NOTO: variants seen among roughly 807,000 people sequenced by gnomAD.
The protein encoded by NOTO is homeobox protein notochord.
Under a neutral mutation model 20.5 loss-of-function variants are expected in NOTO, and 19 were observed. That is an observed-to-expected ratio of 0.93 (90% CI 0.65 to 1.36). The LOEUF (loss-of-function observed/expected upper bound fraction) is 1.36. NOTO is among the 40% of genes most tolerant of loss of function. The pLI is 0.00. For synonymous variants in NOTO, 150 were observed against 150.2 expected (o/e 1.00, Z 0.01); for missense variants, 369 against 336.2 (o/e 1.10, Z -0.76).
chr2:73,210,652 A>G (rs2103697942), intron 2 of NOTO, 119 bp from the exon 3 acceptor site: 1 of 769,708 alleles, frequency 1.3e-6, no homozygotes, highest in Non-Finnish European at 2.0e-6. Flanking sequence ...TGGAGGAGGT[A>G]CCTCCCTGAG....
rs1299349823 is a variant in NOTO at position 73,202,980 on chromosome 2, T to C, written c.314T>C (p.Val105Ala). 2 of 1,503,836 alleles carry C rather than the reference T, an allele frequency of 1.3e-6. No homozygotes were observed. Among genetic ancestry groups the C allele is most frequent in the Admixed American group, 2.1e-5 (1 of 46,880 alleles). The allele number at this position is 1,503,836 out of a possible 1,614,324, so 93.2% of individuals were successfully genotyped here. Reference protein sequence around the residue: ...PTSWLPAYLSVGFYPVPGPRV... With the variant: ...PTSWLPAYLSAGFYPVPGPRV... Reference sequence around the variant, plus strand: ...TCGTGGCTGCCCGCCTACCTGAGCGTAGGTTTTTACCCTGTGCCAGGGCCG... The same window carrying C: ...TCGTGGCTGCCCGCCTACCTGAGCGCAGGTTTTTACCCTGTGCCAGGGCCG... The change falls in exon 1 of 3, where the codon GTA becomes GCA. Residue 105 changes from valine (V) to alanine (A), a missense_variant. By Grantham distance (64) the Val-to-Ala change is moderately conservative (BLOSUM62 0). Transcript: ENST00000398468.
In NOTO at chr2:73,210,842, TG is replaced by T. The variant is rs1264491732; in HGVS notation, c.670del (p.Ala224ProfsTer84). 5.8e-6 allele frequency: 9 copies of T among 1,551,658 alleles called. No individual in the cohort carries two copies. The highest frequency in any genetic ancestry group is 7.8e-6 in the Non-Finnish European group (9 of 1,146,938). ...QQKLRAAVTSAEAASLDEPSS... is the reference protein window; with the variant it reads ...QQKLRAAVTSXEAASLDEPSS... ...AAAAGCTGAGGGCAGCAGTTACATC[TG>T]CCGAGGCTGCCTCCCTGGATGAGCC... On this transcript the variant is annotated frameshift_variant, in exon 3 of 3. Coordinates refer to ENST00000398468, the MANE Select transcript of NOTO (RefSeq NM_001134462.2). LOFTEE classifies it low-confidence loss of function (END_TRUNC).
At position 73,203,798 on chromosome 2, in the gene NOTO, T is replaced by C. The variant is rs995896673; in HGVS notation, c.382+750T>C. Among the ~76,000 whole-genome samples, 27 of 150,326 alleles carry C rather than the reference T, an allele frequency of 1.8e-4. 1 individual carries two copies. Among genetic ancestry groups the C allele is most frequent in the Non-Finnish European group, 4.4e-5 (3 of 67,672 alleles). On this transcript the variant is annotated intron_variant, in intron 1 of 2. Coordinates refer to ENST00000398468, the MANE Select transcript of NOTO (RefSeq NM_001134462.2). Reference sequence around the variant, plus strand: ...TGGCCAACATGGTGAAACCACATCTTTACTTAAAAGACAAAAAATTGGCCG... The same window carrying C: ...TGGCCAACATGGTGAAACCACATCTCTACTTAAAAGACAAAAAATTGGCCG...
At position 73,208,405 on chromosome 2, in the gene NOTO, G is replaced by C; in HGVS notation, c.388G>C (p.Glu130Gln). 6.4e-7 allele frequency: 1 copy of C among 1,551,128 alleles called. No homozygotes were observed. The highest frequency in any genetic ancestry group is 1.2e-5 in the South Asian group (1 of 84,038). Residue 130 changes from glutamate to glutamine, a missense_variant, in exon 2 of 3, where the codon GAG becomes CAG. Coordinates refer to ENST00000398468, the MANE Select transcript of NOTO (RefSeq NM_001134462.2). The stretch of plus-strand genomic sequence containing the variant: ...TGCTGCTGGTTGCTCTTTAGGGTTG[G>C]AGCTGGCTCACTGCTCAGGACTCTG... ...GLLGFGVTGL[E>Q]LAHCSGLWAF...
chr2:73,208,685 A>AGGAGGGTGG lies in NOTO; in HGVS notation c.597+73_597+81dup. On this transcript the variant is annotated intron_variant, in intron 2 of 2. Coordinates refer to ENST00000398468, the MANE Select transcript of NOTO (RefSeq NM_001134462.2). Reference sequence around the variant, plus strand: ...AACACTACCTCAGCAAGGCCCTAAAAGGAGGGTGGGAGGAAGATATGGGCC... The same window carrying AGGAGGGTGG: ...AACACTACCTCAGCAAGGCCCTAAAAGGAGGGTGGGGAGGGTGGGAGGAAGATATGGGCC... 3 of 1,026,066 alleles carry AGGAGGGTGG rather than the reference A, an allele frequency of 2.9e-6. No individual in the cohort carries two copies. In the South Asian group the frequency reaches 4.2e-5, roughly 14 times the overall value. 63.6% of individuals were successfully genotyped at this position (1,026,066 alleles called of 1,614,324 possible). A position where few individuals can be genotyped will look rare whatever the true frequency, so the allele number is the denominator to read the frequency against.
chr2:73,203,341 C>T (rs1459617547), intron 1 of NOTO, among the ~76,000 whole-genome samples: 7 of 152,196 alleles, frequency 4.6e-5, no homozygotes, highest in Non-Finnish European at 1.0e-4. Flanking sequence ...AGCGCTGGGG[C>T]TGCAAGGGGA....
intron 1 of NOTO, among the ~76,000 whole-genome samples, chr2:73,203,313 T>TGCGGTGGGCAGGAGGCCA (rs2103688074): frequency 6.6e-6 from 1 of 152,290 alleles, no homozygotes; most frequent in African/African-American, 2.4e-5. Context: ...AGCGCCTGAA[T>TGCGGTGGGCAGGAGGCCA]GCGGTGGGCA....
At chr2:73,203,273 G>A (rs749344536) in intron 1 of NOTO, among the ~76,000 whole-genome samples, 41 of 152,352 alleles carry the variant, frequency 2.7e-4, no homozygotes, top group South Asian at 2.7e-3. Context: ...ACGCTGCTGA[G>A]GTGGGAGAGG....
intron 1 of NOTO, among the ~76,000 whole-genome samples, chr2:73,206,470 C>T (rs1334390527): frequency 5.3e-5 from 8 of 152,106 alleles, no homozygotes; most frequent in Non-Finnish European, 8.8e-5. Context: ...TCCCAAGCAG[C>T]GGGGTCTACA....
rs1040901765 is a variant in NOTO at position 73,212,038 on chromosome 2, A to G, written c.*1109A>G. The G allele has an allele frequency of 3.9e-5, 6 of 152,374 alleles. No homozygotes were observed. Among genetic ancestry groups the G allele is most frequent in the Admixed American group, 3.3e-4 (5 of 15,308 alleles). 9.4% of individuals were successfully genotyped at this position (152,374 alleles called of 1,614,324 possible). A position where few individuals can be genotyped will look rare whatever the true frequency, so the allele number is the denominator to read the frequency against. On this transcript the variant is annotated 3_prime_UTR_variant, in exon 3 of 3. Transcript: ENST00000398468. ...ATCTGGGCATAGAAGACTCTTCACC[A>G]TCAGAAGGAGTTGAGAGCAAAGAAG...
At chr2:73,208,344 T>TG in intron 1 of NOTO, 56 bp from the exon 2 acceptor site, 1 of 1,279,428 alleles carries the variant, frequency 7.8e-7, no homozygotes, top group Non-Finnish European at 1.1e-6. Flanking sequence ...GCAGGGGGCT[T>TG]CTGGCTAACC....
chr2:73,206,120 G>A (rs1227980354), intron 1 of NOTO, among the ~76,000 whole-genome samples: 1 of 151,888 alleles, frequency 6.6e-6, no homozygotes, highest in Admixed American at 6.6e-5. Context: ...AATTTTTGTG[G>A]GTTTACCTTT....
At chr2:73,205,065 A>G (rs1419839712) in intron 1 of NOTO, among the ~76,000 whole-genome samples, 2 of 151,936 alleles carry the variant, frequency 1.3e-5, no homozygotes, top group African/African-American at 4.8e-5. Flanking sequence ...TATTTTTAGT[A>G]GAGACGGGGT....
At chr2:73,203,602 G>A (rs115529610) in intron 1 of NOTO, among the ~76,000 whole-genome samples, 3,721 of 152,292 alleles carry the variant, frequency 0.024, 61 homozygotes, top group Non-Finnish European at 0.041. Flanking sequence ...TACACACTTC[G>A]CTCTGAGCCT....
chr2:73,202,693 C>T lies in NOTO; in HGVS notation c.27C>T (p.Ser9=), dbSNP rs1395246955. Reference sequence around the variant, plus strand: ...TGCCTAGCCCCAGGCCGCGAGGCAGCCCGCCACCCGCTCCCTCGGGCTCTC... The same window carrying T: ...TGCCTAGCCCCAGGCCGCGAGGCAGTCCGCCACCCGCTCCCTCGGGCTCTC... MPSPRPRG[S]PPPAPSGSRV... Residue 9 remains serine, a synonymous_variant, in exon 1 of 3, where the codon AGC becomes AGT. Transcript: ENST00000398468. 6.6e-7 allele frequency: 1 copy of T among 1,507,056 alleles called. No individual in the cohort carries two copies. The highest frequency in any genetic ancestry group is 8.8e-7 in the Non-Finnish European group (1 of 1,134,702). The allele number at this position is 1,507,056 out of a possible 1,614,324, so 93.4% of individuals were successfully genotyped here.
At chr2:73,207,140 TC>T (rs1686099442) in intron 1 of NOTO, among the ~76,000 whole-genome samples, 2 of 152,104 alleles carry the variant, frequency 1.3e-5, no homozygotes, top group African/African-American at 4.8e-5. Flanking sequence ...TACTTTCTTC[TC>T]CAAAGGTCAA....
intron 1 of NOTO, among the ~76,000 whole-genome samples, chr2:73,207,098 A>G (rs1686098534): frequency 1.3e-5 from 2 of 152,004 alleles, no homozygotes; most frequent in African/African-American, 2.4e-5. Context: ...CCCGGCCTCA[A>G]CTAGAGCTCT....
At chr2:73,203,097 G>A (rs1038615003) in intron 1 of NOTO, 49 bp downstream of exon 1, 80 of 1,361,546 alleles carry the variant, frequency 5.9e-5, no homozygotes, top group Admixed American at 1.9e-4. Context: ...GGGGGCTGGA[G>A]AGCCTAGGTC....
chr2:73,208,302 T>C lies in NOTO; in HGVS notation c.383-98T>C. ...AGGGGAAGGCAAGGTAGCAGAGCTG[T>C]GTGTGCCTTCTCATTTTGCCCAGAT... On this transcript the variant is annotated intron_variant, in intron 1 of 2. Coordinates refer to ENST00000398468, the MANE Select transcript of NOTO (RefSeq NM_001134462.2). 9 of 736,816 alleles carry C rather than the reference T, an allele frequency of 1.2e-5. No homozygotes were observed. In the South Asian group the frequency reaches 1.6e-4, roughly 13 times the overall value. 45.6% of individuals were successfully genotyped at this position (736,816 alleles called of 1,614,324 possible). A position where few individuals can be genotyped will look rare whatever the true frequency, so the allele number is the denominator to read the frequency against.
Sources: allele counts gnomAD v4.1 joint callset (sites outside exome capture counted in the v4.1 genomes callset), GRCh38; gene constraint gnomAD v4.1.1; transcripts MANE v1.5; gene names NCBI Gene and HGNC (gene_info 2026-07-23, HGNC 2026-07-21).